DLGAP1: variants seen among roughly 807,000 people sequenced by gnomAD.
DLGAP1 encodes the protein disks large-associated protein 1.
In DLGAP1, 11 loss-of-function variants were observed where a neutral mutation model predicts 90.8. The ratio of observed to expected loss-of-function variants is 0.12; its 90% CI spans 0.08 to 0.20. DLGAP1 has a LOEUF of 0.20. Among genes scored for constraint, DLGAP1 ranks in the 10% least tolerant of loss-of-function variants. The pLI, the probability that DLGAP1 is intolerant of heterozygous loss-of-function variation, is 1.00. For synonymous variants in DLGAP1, 558 were observed against 540.7 expected (o/e 1.03, Z -0.44); for missense variants, 1,050 against 1,333.8 (o/e 0.79, Z 3.31).
At chr18:3,818,760 T>G (rs968676558) in intron 4 of DLGAP1, among the ~76,000 whole-genome samples, 12 of 151,748 alleles carry the variant, frequency 7.9e-5, no homozygotes, top group South Asian at 4.2e-4. Context: ...CATGCCTGGC[T>G]AATTTTTGTA....
intron 3 of DLGAP1, among the ~76,000 whole-genome samples, chr18:3,969,029 A>G (rs1370417837): frequency 1.3e-5 from 2 of 152,174 alleles, no homozygotes; most frequent in East Asian, 3.9e-4. Flanking sequence ...GAAGTTAACT[A>G]ATGAATGAAC....
chr18:4,263,724 A>G (rs2079049095), intron 1 of DLGAP1, among the ~76,000 whole-genome samples: 1 of 152,250 alleles, frequency 6.6e-6, no homozygotes, highest in Non-Finnish European at 1.5e-5. Context: ...TCATTTCAGC[A>G]TATCCTATGG....
intron 1 of DLGAP1, among the ~76,000 whole-genome samples, chr18:4,203,447 A>G (rs1368410652): frequency 2.0e-5 from 3 of 152,256 alleles, no homozygotes; most frequent in African/African-American, 7.2e-5. Context: ...CATTTTTCAA[A>G]TCTTTAATAT....
At chr18:3,669,716 C>T (rs1598280926) in intron 7 of DLGAP1, among the ~76,000 whole-genome samples, 1 of 152,186 alleles carries the variant, frequency 6.6e-6, no homozygotes, top group Non-Finnish European at 1.5e-5. Flanking sequence ...CTGAGAACTA[C>T]TTCTACTCAG....
chr18:3,797,952 C>G (rs986208253), intron 5 of DLGAP1, among the ~76,000 whole-genome samples: 1 of 152,162 alleles, frequency 6.6e-6, no homozygotes, highest in Non-Finnish European at 1.5e-5. Context: ...CTCAAGAGAT[C>G]TGATGGTTTT....
intron 1 of DLGAP1, among the ~76,000 whole-genome samples, chr18:4,438,431 C>CAAAAAAAAA (rs11389361): frequency 5.8e-5 from 3 of 52,100 alleles, no homozygotes; most frequent in Non-Finnish European, 6.2e-5. Flanking sequence ...GACTCCATCT[C>CAAAAAAAAA]AAAAAAAAAA....
chr18:4,247,907 C>A (rs1385304296), intron 1 of DLGAP1, among the ~76,000 whole-genome samples: 1 of 152,136 alleles, frequency 6.6e-6, no homozygotes, highest in Non-Finnish European at 1.5e-5. Context: ...GGTTTTCACT[C>A]TTATTTCTAT....
intron 7 of DLGAP1, among the ~76,000 whole-genome samples, chr18:3,710,678 A>G (rs1421200472): frequency 6.6e-6 from 1 of 152,254 alleles, no homozygotes; most frequent in African/African-American, 2.4e-5. Context: ...ACAAATACAC[A>G]AGTGAATATT....
intron 9 of DLGAP1, among the ~76,000 whole-genome samples, chr18:3,557,929 CAA>C (rs111430668): frequency 8.7e-6 from 1 of 114,486 alleles, no homozygotes; most frequent in African/African-American, 3.1e-5. Context: ...CTTCGTCTCA[CAA>C]AAAAAAAAAA....
At chr18:4,147,571 TTCCATCCATCCATCCATCCATCCA>T (rs140010625) in intron 2 of DLGAP1, among the ~76,000 whole-genome samples, 20 of 147,892 alleles carry the variant, frequency 1.4e-4, no homozygotes, top group Admixed American at 6.8e-4. Context: ...TCATCCATTC[TTCCATCCATCCATCCATCCATCCA>T]TCCATCCATC....
chr18:4,226,314 T>G (rs1311740062), intron 1 of DLGAP1, among the ~76,000 whole-genome samples: 3 of 152,082 alleles, frequency 2.0e-5, no homozygotes, highest in Non-Finnish European at 4.4e-5. Context: ...AGTTCTTCAG[T>G]CTAAAAGAAA....
At chr18:4,077,770 T>C (rs2075545084) in intron 2 of DLGAP1, among the ~76,000 whole-genome samples, 1 of 152,220 alleles carries the variant, frequency 6.6e-6, no homozygotes, top group Non-Finnish European at 1.5e-5. Flanking sequence ...CAGGGATTCC[T>C]TTATAGCAAC....
intron 3 of DLGAP1, among the ~76,000 whole-genome samples, chr18:4,002,990 T>C (rs1017774838): frequency 9.9e-5 from 15 of 152,196 alleles, no homozygotes; most frequent in Non-Finnish European, 1.9e-4. Flanking sequence ...GAAGGTGGAT[T>C]GTCCATCTGA....
chr18:3,962,945 T>C (rs573576738), intron 3 of DLGAP1, among the ~76,000 whole-genome samples: 1 of 152,298 alleles, frequency 6.6e-6, no homozygotes, highest in Non-Finnish European at 1.5e-5. Flanking sequence ...CTTGTAGGTG[T>C]TGGTGTTCTT....
At chr18:3,764,624 A>G (rs1214828106) in intron 5 of DLGAP1, among the ~76,000 whole-genome samples, 1 of 152,160 alleles carries the variant, frequency 6.6e-6, no homozygotes, top group Non-Finnish European at 1.5e-5. Flanking sequence ...CAAACCATCA[A>G]TTTTAAAGTT....
intron 7 of DLGAP1, among the ~76,000 whole-genome samples, chr18:3,714,844 C>T (rs2061711611): frequency 6.6e-6 from 1 of 151,992 alleles, no homozygotes; most frequent in South Asian, 2.1e-4. Context: ...CCATGTTGGC[C>T]AGGCTGGTCT....
At chr18:4,404,531 C>T (rs2082622387) in intron 1 of DLGAP1, among the ~76,000 whole-genome samples, 1 of 152,172 alleles carries the variant, frequency 6.6e-6, no homozygotes, top group Non-Finnish European at 1.5e-5. Flanking sequence ...CTGACAAAAA[C>T]ATACAATATT....
At chr18:3,560,589 C>CA (rs59239504) in intron 9 of DLGAP1, among the ~76,000 whole-genome samples, 9,416 of 69,550 alleles carry the variant, frequency 0.14, 852 homozygotes, top group East Asian at 0.35. Context: ...GACTCAGTCT[C>CA]AAAAAAAAAA....
In DLGAP1 at chr18:3,660,563, G is replaced by T. The variant is rs2059650157; in HGVS notation, c.1591+68572C>A. ...CTCAAGGAGGATCTTATCAATCCCAGCAAATGTACTTCAAATACGTTATTT... is the reference window on the plus strand; with the variant it reads ...CTCAAGGAGGATCTTATCAATCCCATCAAATGTACTTCAAATACGTTATTT... On this transcript the variant is annotated intron_variant, in intron 7 of 12. Transcript: ENST00000315677. This position sits in a 1 kb window ranked among gnomAD's most constrained non-coding sequence, Gnocchi z 4.2. Among the ~76,000 whole-genome samples, 1 of 152,184 alleles carries T rather than the reference G, an allele frequency of 6.6e-6. No homozygotes were observed. The highest frequency in any genetic ancestry group is 1.5e-5 in the Non-Finnish European group (1 of 68,040).
Sources: allele counts gnomAD v4.1 joint callset (sites outside exome capture counted in the v4.1 genomes callset), GRCh38; gene constraint gnomAD v4.1.1; non-coding constraint Gnocchi (gnomAD v3.1); transcripts MANE v1.5; gene names NCBI Gene and HGNC (gene_info 2026-07-23, HGNC 2026-07-21).